Variants in ASB17 observed in about 807,000 individuals in gnomAD.
ASB17 encodes ankyrin repeat and SOCS box containing 17.
Under a neutral mutation model 25.7 loss-of-function variants are expected in ASB17, and 26 were observed. The ratio of observed to expected loss-of-function variants is 1.01; its 90% CI spans 0.74 to 1.40. ASB17 has a LOEUF of 1.40. Ranked by LOEUF, ASB17 falls within the 40% of genes most tolerant of loss-of-function variation. The pLI is 0.00. For missense variants in ASB17, 326 were observed against 338.5 expected, an observed-to-expected ratio of 0.96 and a Z score of 0.29; for synonymous variants, 128 against 121.4, an observed-to-expected ratio of 1.05 and a Z score of -0.36.
At chr1:75,924,820 A>G (rs1019106586) in intron 1 of ASB17, among the ~76,000 whole-genome samples, 1 of 151,062 alleles carries the variant, frequency 6.6e-6, no homozygotes, top group Non-Finnish European at 1.5e-5. Flanking sequence ...TTTTTTTTTC[A>G]ATTCTGCAAT....
At chr1:75,927,743 C>T (rs781436015) in intron 1 of ASB17, among the ~76,000 whole-genome samples, 1 of 152,044 alleles carries the variant, frequency 6.6e-6, no homozygotes, top group Non-Finnish European at 1.5e-5. Context: ...AACTGGTTTC[C>T]CTGCCCTAGC....
At chr1:75,927,006 G>A (rs1290627295) in intron 1 of ASB17, among the ~76,000 whole-genome samples, 3 of 152,258 alleles carry the variant, frequency 2.0e-5, no homozygotes, top group Admixed American at 1.3e-4. Context: ...TGTGCCCAGT[G>A]TAATTGCAAG....
At chr1:75,931,293 G>A (rs970563964) in intron 1 of ASB17, among the ~76,000 whole-genome samples, 3 of 152,126 alleles carry the variant, frequency 2.0e-5, no homozygotes, top group Non-Finnish European at 2.9e-5. Flanking sequence ...TCTAAAAAGA[G>A]GATACATTGG....
intron 1 of ASB17, among the ~76,000 whole-genome samples, chr1:75,929,471 A>G (rs563710684): frequency 6.6e-6 from 1 of 151,928 alleles, no homozygotes; most frequent in African/African-American, 2.4e-5. Context: ...CGCCCGCCTC[A>G]GCCTCCCAAA....
intron 2 of ASB17, among the ~76,000 whole-genome samples, chr1:75,919,430 C>A (rs896942766): frequency 6.6e-6 from 1 of 151,768 alleles, no homozygotes; most frequent in Non-Finnish European, 1.5e-5. Flanking sequence ...TACATGTGCA[C>A]AATGTGCAGG....
At chr1:75,920,928 C>G (rs1329536595) in intron 2 of ASB17, among the ~76,000 whole-genome samples, 5 of 152,184 alleles carry the variant, frequency 3.3e-5, no homozygotes, top group Non-Finnish European at 7.3e-5. Context: ...GCGCCCGCCA[C>G]CATGCCCAGC....
intron 1 of ASB17, among the ~76,000 whole-genome samples, chr1:75,925,371 C>T (rs1287366467): frequency 6.6e-6 from 1 of 151,966 alleles, no homozygotes; most frequent in Non-Finnish European, 1.5e-5. Flanking sequence ...CATAAGTGGT[C>T]ATTATTAAGA....
At chr1:75,919,362 T>A (rs907393199) in intron 2 of ASB17, among the ~76,000 whole-genome samples, 2 of 152,158 alleles carry the variant, frequency 1.3e-5, no homozygotes, top group African/African-American at 4.8e-5. Context: ...ATAATCTATA[T>A]GTCTAAGGAC....
rs534539433 is a variant in ASB17, at chr1:75,932,100, G to T, written c.192C>A (p.Asp64Glu). The change falls in exon 1 of 3, where the codon GAC (aspartate) becomes GAA (glutamate). Residue 64 changes from aspartate to glutamate, a missense_variant. Coordinates refer to ENST00000284142, the MANE Select transcript of ASB17 (RefSeq NM_080868.3). Reference protein sequence around the residue: ...ILRYVDLDGFDALLTDYIAFV... With the variant: ...ILRYVDLDGFEALLTDYIAFV... ...ATGCAATGTAATCTGTGAGTAGTGC[G>T]TCAAAACCATCCAAGTCCACATACC... 2 of 1,613,930 alleles carry T rather than the reference G, an allele frequency of 1.2e-6. No homozygotes were observed. The highest frequency in any genetic ancestry group is 2.7e-5 in the African/African-American group (2 of 74,890).
At chr1:75,921,139 G>A (rs1653017894) in intron 2 of ASB17, among the ~76,000 whole-genome samples, 1 of 152,112 alleles carries the variant, frequency 6.6e-6, no homozygotes, top group African/African-American at 2.4e-5. Context: ...GTTGAGAATT[G>A]ATATGTTCTG....
chr1:75,929,106 G>C (rs1653249899), intron 1 of ASB17, among the ~76,000 whole-genome samples: 1 of 152,220 alleles, frequency 6.6e-6, no homozygotes, highest in Non-Finnish European at 1.5e-5. Flanking sequence ...TCAAGAAACA[G>C]AAAGGTCTTT....
chr1:75,927,039 G>T (rs1653191293), intron 1 of ASB17, among the ~76,000 whole-genome samples: 1 of 152,110 alleles, frequency 6.6e-6, no homozygotes, highest in African/African-American at 2.4e-5. Context: ...TGCAGAGAAT[G>T]TTGGAAGCAG....
rs569365958 is a variant in ASB17, at chr1:75,932,175, T to C, written c.117A>G (p.Gly39=). The change falls in exon 1 of 3, where the codon GGA becomes GGG. Residue 39 remains glycine, a synonymous_variant. Coordinates refer to ENST00000284142, the MANE Select transcript of ASB17 (RefSeq NM_080868.3). ...RPSLQFLGQW[G]YHCYEPRIYR... ...AAATCCTTGGTTCGTAACAGTGATATCCCCACTGACCCAAAAACTGTAGGG... is the reference window on the plus strand; with the variant it reads ...AAATCCTTGGTTCGTAACAGTGATACCCCCACTGACCCAAAAACTGTAGGG... 1.2e-6 allele frequency: 2 copies of C among 1,614,018 alleles called. No homozygotes were observed. The highest frequency in any genetic ancestry group is 1.7e-5 in the Admixed American group (1 of 60,002).
Position 75,931,991 on chromosome 1 carries a change from C to G in ASB17, c.301G>C (p.Val101Leu). Residue 101 changes from valine to leucine, a missense_variant, in exon 1 of 3, where the codon GTT (valine) becomes CTT (leucine). Val to Leu is a conservative substitution (Grantham distance 32). Transcript: ENST00000284142. Reference protein sequence around the residue: ...EICVNTILYWVFARKGNPDFV... With the variant: ...EICVNTILYWLFARKGNPDFV... ...TCAGGATTACCTTTTCTGGCAAAAA[C>G]CCAGTACAGAATTGTATTCACACAT... 2 of 1,614,040 alleles carry G rather than the reference C, an allele frequency of 1.2e-6. No homozygotes were observed. The highest frequency in any genetic ancestry group is 1.7e-6 in the Non-Finnish European group (2 of 1,179,966).
intron 1 of ASB17, among the ~76,000 whole-genome samples, chr1:75,923,936 T>G (rs1475335247): frequency 6.6e-6 from 1 of 152,128 alleles, no homozygotes; most frequent in Non-Finnish European, 1.5e-5. Context: ...ATAAAAGATA[T>G]AGTTCTTGAC....
At chr1:75,929,829 A>G (rs540764878) in intron 1 of ASB17, among the ~76,000 whole-genome samples, 2 of 152,260 alleles carry the variant, frequency 1.3e-5, no homozygotes, top group East Asian at 1.9e-4. Flanking sequence ...TGTTTTGGAG[A>G]TAACAGGACT....
In ASB17 at chr1:75,919,539, C is replaced by A. The variant is rs1344485397; in HGVS notation, c.682-381G>T. Among the ~76,000 whole-genome samples, 3 of 152,130 alleles carry A rather than the reference C, an allele frequency of 2.0e-5. No individual in the cohort carries two copies. In the East Asian group the frequency reaches 5.8e-4, roughly 29 times the overall value. ...CTCCTAAAGCTATCCCTCCCCTCTC[C>A]CCCTACCCCACAACAGTACCTAGAG... On this transcript the variant is annotated intron_variant, in intron 2 of 2. Coordinates refer to ENST00000284142, the MANE Select transcript of ASB17 (RefSeq NM_080868.3).
chr1:75,921,590 A>C (rs1414725802), intron 2 of ASB17, among the ~76,000 whole-genome samples: 2 of 152,186 alleles, frequency 1.3e-5, no homozygotes, highest in Non-Finnish European at 2.9e-5. Context: ...CACATTTCTG[A>C]GGGATAGATA....
intron 1 of ASB17, among the ~76,000 whole-genome samples, chr1:75,928,365 G>C (rs576053465): frequency 6.6e-6 from 1 of 152,248 alleles, no homozygotes; most frequent in East Asian, 1.9e-4. Context: ...TATTTGAATG[G>C]AATGACATCT....
Sources: allele counts gnomAD v4.1 joint callset (sites outside exome capture counted in the v4.1 genomes callset), GRCh38; gene constraint gnomAD v4.1.1; transcripts MANE v1.5; gene names NCBI Gene and HGNC (gene_info 2026-07-23, HGNC 2026-07-21).